Variants in DGKG observed in about 807,000 individuals in gnomAD.
DGKG encodes the protein diacylglycerol kinase gamma.
Under a neutral mutation model 105.3 loss-of-function variants are expected in DGKG, and 78 were observed. The observed-to-expected ratio is 0.74, with a 90% CI of 0.62 to 0.89. The LOEUF is 0.89. Ranked by LOEUF, DGKG falls within the 40% of genes least tolerant of loss-of-function variation. The pLI is 0.00. For synonymous variants in DGKG, 346 were observed against 367.1 expected (o/e 0.94, Z 0.66); for missense variants, 958 against 1,020.1 (o/e 0.94, Z 0.83).
chr3:186,359,541 T>C (rs995367093), intron 1 of DGKG, among the ~76,000 whole-genome samples: 3 of 152,194 alleles, frequency 2.0e-5, no homozygotes, highest in Non-Finnish European at 1.5e-5. Context: ...ATACTAGCTA[T>C]GTAACTTGGG....
intron 20 of DGKG, among the ~76,000 whole-genome samples, chr3:186,215,494 T>C (rs1447613996): frequency 6.6e-6 from 1 of 151,580 alleles, no homozygotes; most frequent in East Asian, 1.9e-4. Flanking sequence ...GTGATGGTAG[T>C]GACCTAATCA....
At chr3:186,352,076 G>T (rs1446923635) in intron 1 of DGKG, among the ~76,000 whole-genome samples, 1 of 152,014 alleles carries the variant, frequency 6.6e-6, no homozygotes, top group Admixed American at 6.6e-5. Flanking sequence ...CTTTTTCAAG[G>T]CCCCTCCCCA....
chr3:186,159,797 A>G (rs1484855783), intron 24 of DGKG: 2 of 152,164 alleles, frequency 1.3e-5, no homozygotes, highest in Non-Finnish European at 2.9e-5. Context: ...CAGTGTGACT[A>G]TATTTGTAGG....
chr3:186,327,350 T>C (rs921895783), intron 1 of DGKG, among the ~76,000 whole-genome samples: 6 of 150,062 alleles, frequency 4.0e-5, no homozygotes, highest in Non-Finnish European at 5.9e-5. Context: ...TCCTCCTCCT[T>C]CTCCTCCTCC....
At chr3:186,239,097 G>T (rs892495800) in intron 20 of DGKG, among the ~76,000 whole-genome samples, 6 of 152,170 alleles carry the variant, frequency 3.9e-5, no homozygotes. Flanking sequence ...TGGATCCCAG[G>T]TTAAGAATTC....
rs776991977 is a variant in DGKG, at chr3:186,280,728, A to G, written c.611T>C (p.Val204Ala). 41 of 1,613,996 alleles carry G rather than the reference A, an allele frequency of 2.5e-5. No individual in the cohort carries two copies. The highest frequency in any genetic ancestry group is 2.5e-5 in the Non-Finnish European group (29 of 1,179,854). ...CTGGGCAATATGCAGCATTTGGTTG[A>G]CAATGCAATCCATCTCCTAGAAAAT... is the stretch of plus-strand genomic sequence containing the variant. ...LLDQAEMDCI[V>A]NQMLHIAQYL... Residue 204 changes from valine (V) to alanine (A), a missense_variant, in exon 8 of 25, where the codon GTC becomes GCC. By Grantham distance (64) the Val-to-Ala change is moderately conservative. Around this residue, in one of 2 missense-constraint regions of DGKG, gnomAD observed 643 missense variants for 619.5 expected, o/e 1.04. Coordinates refer to ENST00000265022, the MANE Select transcript of DGKG (RefSeq NM_001346.3).
chr3:186,233,900 C>A (rs1157799496), intron 20 of DGKG, among the ~76,000 whole-genome samples: 4 of 152,184 alleles, frequency 2.6e-5, no homozygotes, highest in Non-Finnish European at 5.9e-5. Context: ...GGGAGAGTAA[C>A]TTGGTCAAGG....
In DGKG at chr3:186,211,865, T is replaced by A. The variant is rs1719055648; in HGVS notation, c.1847A>T (p.Tyr616Phe). 6.2e-7 allele frequency: 1 copy of A among 1,614,078 alleles called. No homozygotes were observed. Among genetic ancestry groups the A allele is most frequent in the South Asian group, 1.1e-5 (1 of 91,090 alleles). ...FNSRMKNKLW[Y>F]FEFGTSETFA... Reference sequence around the variant, plus strand: ...AGTCTCCGAGGTGCCAAATTCAAAGTACCACAGCTTGTTCTTCATCCTGGA... The same window carrying A: ...AGTCTCCGAGGTGCCAAATTCAAAGAACCACAGCTTGTTCTTCATCCTGGA... The change falls in exon 21 of 25, where the codon TAC becomes TTC. Residue 616 changes from tyrosine (Y) to phenylalanine (F), a missense_variant. Tyr to Phe is a conservative substitution (Grantham distance 22). This residue lies in a region of DGKG where 315 missense variants were observed against 400.6 expected (regional missense o/e 0.79). Coordinates refer to ENST00000265022, the MANE Select transcript of DGKG (RefSeq NM_001346.3).
At position 186,244,270 on chromosome 3, in the gene DGKG, C is replaced by T. The variant is rs9840856; in HGVS notation, c.1762-1702G>A. ...CATGAACTCTGTGTGGTGAGGTGCA[C>T]CTGGCATAGGAGTCCAGCAGCCCAC... is the stretch of plus-strand genomic sequence containing the variant. On this transcript the variant is annotated intron_variant, in intron 19 of 24. Coordinates refer to ENST00000265022, the MANE Select transcript of DGKG (RefSeq NM_001346.3). Among the ~76,000 whole-genome samples the T allele has an allele frequency of 6.6e-3, 1,003 of 152,172 alleles. 12 individuals carry two copies. The highest frequency in any genetic ancestry group is 0.023 in the African/African-American group (938 of 41,508).
intron 1 of DGKG, among the ~76,000 whole-genome samples, chr3:186,345,422 T>C (rs1280471534): frequency 6.6e-6 from 1 of 152,212 alleles, no homozygotes; most frequent in Non-Finnish European, 1.5e-5. Context: ...TTTCATGCTC[T>C]ATTTTATTAT....
At chr3:186,297,057 G>GTCTCTCTCTC (rs1311301538) in intron 5 of DGKG, among the ~76,000 whole-genome samples, 2 of 80,918 alleles carry the variant, frequency 2.5e-5, no homozygotes, top group African/African-American at 1.1e-4. Flanking sequence ...CTGTCTGTCT[G>GTCTCTCTCTC]TCTGTCTCTC....
At chr3:186,282,068 C>T (rs1722853893) in intron 7 of DGKG, among the ~76,000 whole-genome samples, 1 of 152,158 alleles carries the variant, frequency 6.6e-6, no homozygotes, top group Non-Finnish European at 1.5e-5. Context: ...TGTGATAGCA[C>T]CTTCAAATAC....
intron 24 of DGKG, among the ~76,000 whole-genome samples, chr3:186,155,358 A>G (rs1178368370): frequency 6.6e-6 from 1 of 151,920 alleles, no homozygotes; most frequent in East Asian, 1.9e-4. Context: ...ATGCTCGGCT[A>G]ATTTTTTATA....
intron 17 of DGKG, among the ~76,000 whole-genome samples, chr3:186,255,709 A>G (rs1263855508): frequency 5.9e-5 from 9 of 152,228 alleles, no homozygotes; most frequent in African/African-American, 9.7e-5. Context: ...TATCCCAAGA[A>G]TAATGGAAGC....
intron 5 of DGKG, among the ~76,000 whole-genome samples, chr3:186,294,147 C>T (rs762053658): frequency 1.6e-4 from 25 of 151,546 alleles, no homozygotes; most frequent in Admixed American, 6.5e-4. Context: ...ATTGCAAATA[C>T]GCATGGAGGT....
At chr3:186,219,078 A>G (rs1719440271) in intron 20 of DGKG, among the ~76,000 whole-genome samples, 1 of 151,678 alleles carries the variant, frequency 6.6e-6, no homozygotes, top group South Asian at 2.1e-4. Context: ...ACCTGTTAAC[A>G]TTTTACATTA....
chr3:186,147,387 T>C lies in DGKG; in HGVS notation c.*2703A>G, dbSNP rs1469902813. On this transcript the variant is annotated 3_prime_UTR_variant, in exon 25 of 25. Coordinates refer to ENST00000265022, the MANE Select transcript of DGKG (RefSeq NM_001346.3). ...CTTGTTCTCCTCATTGAGATCGAGA[T>C]AATAATACCTTCTCTGCTAACCTCA... 2.0e-6 allele frequency: 2 copies of C among 979,506 alleles called. No individual in the cohort carries two copies. Among genetic ancestry groups the C allele is most frequent in the Non-Finnish European group, 2.4e-6 (2 of 824,308 alleles). 60.7% of individuals were successfully genotyped at this position (979,506 alleles called of 1,614,324 possible). A position where few individuals can be genotyped will look rare whatever the true frequency, so the allele number is the denominator to read the frequency against.
Position 186,288,701 on chromosome 3 carries a change from AG to A in DGKG, c.544+8del, listed in dbSNP as rs771285155. On this transcript the variant is annotated splice_region_variant and intron_variant, in intron 6 of 24. Transcript: ENST00000265022. The stretch of plus-strand genomic sequence containing the variant: ...AAAGCTGAAGCCCCTTGACAGGGTG[AG>A]CACTTACACTCCAGCTTATCCTGAG... 31 of 1,613,818 alleles carry A rather than the reference AG, an allele frequency of 1.9e-5. No homozygotes were observed. Among genetic ancestry groups the A allele is most frequent in the Non-Finnish European group, 2.5e-5 (30 of 1,179,842 alleles).
At chr3:186,220,682 A>G (rs544449964) in intron 20 of DGKG, among the ~76,000 whole-genome samples, 1 of 152,274 alleles carries the variant, frequency 6.6e-6, no homozygotes, top group South Asian at 2.1e-4. Flanking sequence ...TCTTTAGCAG[A>G]GTCCATGATC....
Sources: gnomAD v4.1 joint callset for allele counts (sites outside exome capture counted in the v4.1 genomes callset) on GRCh38, gnomAD v4.1.1 for gene constraint, gnomAD v4.1.1 regional missense constraint, MANE v1.5 for transcripts, NCBI Gene and HGNC (gene_info 2026-07-23, HGNC 2026-07-21) for gene names.